The following NME7 variants were observed in gnomAD, a reference collection of about 807,000 sequenced individuals.
NME7 encodes nucleoside diphosphate kinase 7.
NME7 carries 41 observed loss-of-function variants against 49.1 expected under a neutral mutation model. The observed-to-expected ratio is 0.83, with a 90% CI of 0.65 to 1.08. The LOEUF (loss-of-function observed/expected upper bound fraction) is 1.08. Among genes scored for constraint, NME7 ranks in the 50% least tolerant of loss-of-function variants. NME7 has a pLI of 0.00. For missense variants in NME7, 423 were observed against 463.4 expected (o/e 0.91, Z 0.80); for synonymous variants, 139 against 150.6 (o/e 0.92, Z 0.56).
intron 11 of NME7, among the ~76,000 whole-genome samples, chr1:169,165,226 A>T (rs1179769729): frequency 6.6e-6 from 1 of 152,152 alleles, no homozygotes; most frequent in Non-Finnish European, 1.5e-5. Context: ...GTTCTAGGAG[A>T]ACAGTAGAAA....
chr1:169,251,490 G>T (rs1012148991), intron 7 of NME7, among the ~76,000 whole-genome samples: 1 of 150,568 alleles, frequency 6.6e-6, no homozygotes, highest in Admixed American at 6.6e-5. Flanking sequence ...TGTTAATATT[G>T]AGATGTGAGG....
chr1:169,231,357 G>C (rs1647610792), intron 9 of NME7, among the ~76,000 whole-genome samples: 1 of 152,162 alleles, frequency 6.6e-6, no homozygotes, highest in African/African-American at 2.4e-5. Context: ...GTGAGCTGTA[G>C]AATTGCTCTG....
chr1:169,284,886 C>G (rs1204336900), intron 7 of NME7: 1 of 152,064 alleles, frequency 6.6e-6, no homozygotes, highest in Admixed American at 6.6e-5. Flanking sequence ...TTATTTCACT[C>G]TCCTTGCAAC....
chr1:169,287,118 G>GA (rs5778611), intron 7 of NME7, 185 bp downstream of exon 7: 212,365 of 525,250 alleles, frequency 0.4, 45,945 homozygotes, highest in East Asian at 0.75. Context: ...AATCCACAAA[G>GA]AAAAGACAAA....
intron 11 of NME7, among the ~76,000 whole-genome samples, chr1:169,159,473 AC>A (rs774439809): frequency 6.6e-6 from 1 of 152,076 alleles, no homozygotes; most frequent in East Asian, 1.9e-4. Context: ...AATTTGTCAC[AC>A]CCCAACCCAC....
chr1:169,207,539 A>G (rs3753297), intron 10 of NME7, among the ~76,000 whole-genome samples: 57,273 of 151,960 alleles, frequency 0.38, 11,500 homozygotes, highest in East Asian at 0.79. Flanking sequence ...TCACTATCAC[A>G]GAAGCAGAAG....
At chr1:169,267,128 C>T (rs1194272588) in intron 7 of NME7, among the ~76,000 whole-genome samples, 1 of 132,082 alleles carries the variant, frequency 7.6e-6, no homozygotes, top group African/African-American at 2.6e-5. Flanking sequence ...TACACAGCGC[C>T]CAAGCTGAGA....
chr1:169,273,395 C>T (rs35352275), intron 7 of NME7, among the ~76,000 whole-genome samples: 11,938 of 132,600 alleles, frequency 0.09, 3,236 homozygotes, highest in East Asian at 0.76. Flanking sequence ...GAAGTCATCA[C>T]TTTTTAAGGC....
At chr1:169,342,926 T>TACATATATATAGTGTATATATATATATAC (rs796971650) in intron 1 of NME7, among the ~76,000 whole-genome samples, 3 of 106,154 alleles carry the variant, frequency 2.8e-5, no homozygotes, top group South Asian at 6.1e-4. Flanking sequence ...TATATATATA[T>TACATATATATAGTGTATATATATATATAC]ACAAGTACAT....
chr1:169,242,206 G>A (rs1052978794), intron 7 of NME7, among the ~76,000 whole-genome samples: 7 of 151,904 alleles, frequency 4.6e-5, no homozygotes, highest in South Asian at 2.1e-4. Flanking sequence ...ACCAAGAGAC[G>A]TTAATTTCAG....
At chr1:169,194,230 C>T (rs962742514) in intron 10 of NME7, among the ~76,000 whole-genome samples, 3 of 152,088 alleles carry the variant, frequency 2.0e-5, no homozygotes, top group Non-Finnish European at 4.4e-5. Flanking sequence ...AGGTGGCACA[C>T]ATGGAATGGA....
chr1:169,315,546 G>A (rs755130721), intron 3 of NME7, among the ~76,000 whole-genome samples: 2 of 152,092 alleles, frequency 1.3e-5, no homozygotes, highest in African/African-American at 2.4e-5. Context: ...GATTACAAGC[G>A]TGAGCCACCA....
At chr1:169,241,558 T>C (rs1282797919) in intron 7 of NME7, among the ~76,000 whole-genome samples, 1 of 151,960 alleles carries the variant, frequency 6.6e-6, no homozygotes, top group African/African-American at 2.4e-5. Context: ...TTATAATCTA[T>C]ATCTATTACA....
chr1:169,354,261 G>A (rs561920107), intron 1 of NME7, among the ~76,000 whole-genome samples: 1 of 152,148 alleles, frequency 6.6e-6, no homozygotes, highest in East Asian at 1.9e-4. Context: ...GGAATTAAAG[G>A]TCATTATGTT....
At position 169,273,675 on chromosome 1, in the gene NME7, T is replaced by C. The variant is rs1049775526; in HGVS notation, c.754+13628A>G. 4.7e-5 allele frequency among the ~76,000 whole-genome samples: 6 copies of C among 127,870 alleles called. 1 individual carries two copies. In the East Asian group the frequency reaches 1.2e-3, roughly 26 times the overall value. The allele number at this position is 127,870 out of a possible 152,430, so 83.9% of individuals were successfully genotyped here. A position where few individuals can be genotyped will look rare whatever the true frequency, so the allele number is the denominator to read the frequency against. On this transcript the variant is annotated intron_variant, in intron 7 of 11. Coordinates refer to ENST00000367811, the MANE Select transcript of NME7 (RefSeq NM_013330.5). ...CCCTTCCTGTGTCCATGTGTTCTCA[T>C]TGTTCAATTCCCATCTATGAGTGAG...
At chr1:169,215,477 G>A (rs1660949946) in intron 10 of NME7, among the ~76,000 whole-genome samples, 1 of 152,096 alleles carries the variant, frequency 6.6e-6, no homozygotes, top group African/African-American at 2.4e-5. Context: ...CTTCACCAGG[G>A]ACTCACCCCT....
chr1:169,248,474 T>C (rs972720744), intron 7 of NME7, among the ~76,000 whole-genome samples: 1 of 152,114 alleles, frequency 6.6e-6, no homozygotes, highest in Non-Finnish European at 1.5e-5. Context: ...TGAAGTTTCT[T>C]TTATTTAATT....
chr1:169,134,329 C>T (rs1391949803), intron 11 of NME7, among the ~76,000 whole-genome samples: 1 of 152,310 alleles, frequency 6.6e-6, no homozygotes, highest in African/African-American at 2.4e-5. Context: ...TATTCTGACC[C>T]TCAGTAGATG....
Position 169,298,653 on chromosome 1 carries a change from G to T in NME7, c.551C>A (p.Ala184Glu). 1.2e-6 allele frequency: 2 copies of T among 1,613,956 alleles called. No individual in the cohort carries two copies. Among genetic ancestry groups the T allele is most frequent in the Non-Finnish European group, 1.7e-6 (2 of 1,179,910 alleles). The change falls in exon 6 of 12, where the codon GCA becomes GAA. Residue 184 changes from alanine (A) to glutamate (E), a missense_variant. Ala to Glu is a moderately radical substitution (Grantham distance 107). Transcript: ENST00000367811. ...AATGCTTTCAGAAGCATCTGTGCGT[G>T]CCACTCCAGAGTTTGCAGGTCCCAG... ...RLLGPANSGV[A>E]RTDASESIRA...
Sources: allele counts gnomAD v4.1 joint callset (sites outside exome capture counted in the v4.1 genomes callset), GRCh38; gene constraint gnomAD v4.1.1; transcripts MANE v1.5; gene names NCBI Gene and HGNC (gene_info 2026-07-23, HGNC 2026-07-21).